The following NPAS3 variants were observed in gnomAD, a reference collection of about 807,000 sequenced individuals.
NPAS3 encodes the protein neuronal PAS domain-containing protein 3.
NPAS3 carries 14 observed loss-of-function variants against 73.1 expected under a neutral mutation model. That is an observed-to-expected ratio of 0.19 (90% confidence interval 0.13 to 0.30). The LOEUF is 0.30. Ranked by LOEUF, NPAS3 falls within the 10% of genes least tolerant of loss-of-function variation. The pLI, the probability that NPAS3 is intolerant of heterozygous loss-of-function variation, is 1.00. For synonymous variants in NPAS3, 620 were observed against 541.5 expected (o/e 1.14, Z -2.01); for missense variants, 1,096 against 1,250.0 (o/e 0.88, Z 1.86).
At chr14:33,477,756 T>C (rs932608293) in intron 4 of NPAS3, among the ~76,000 whole-genome samples, 1 of 152,192 alleles carries the variant, frequency 6.6e-6, no homozygotes, top group Non-Finnish European at 1.5e-5. Context: ...AATTTTTCAC[T>C]AAGAATTTCA....
intron 4 of NPAS3, among the ~76,000 whole-genome samples, chr14:33,502,075 G>T (rs1426603706): frequency 6.6e-6 from 1 of 151,686 alleles, no homozygotes; most frequent in African/African-American, 2.4e-5. Flanking sequence ...ATTATTTATG[G>T]GTTCCCAAAT....
intron 2 of NPAS3, among the ~76,000 whole-genome samples, chr14:33,167,428 TAC>T (rs201795728): frequency 1.3e-5 from 2 of 151,730 alleles, no homozygotes; most frequent in Non-Finnish European, 2.9e-5. Context: ...GACACACACA[TAC>T]ACACACACAC....
At chr14:33,662,654 A>T (rs566263986) in intron 5 of NPAS3, among the ~76,000 whole-genome samples, 2 of 152,140 alleles carry the variant, frequency 1.3e-5, no homozygotes, top group African/African-American at 4.8e-5. Context: ...CTCCTTGAAG[A>T]GGTCTTTCGC....
intron 2 of NPAS3, among the ~76,000 whole-genome samples, chr14:33,069,156 A>G (rs576338856): frequency 6.6e-6 from 1 of 152,352 alleles, no homozygotes; most frequent in African/African-American, 2.4e-5. Flanking sequence ...GACGAAGTGG[A>G]TAAAGAAGAG....
At chr14:33,093,270 C>T (rs1477498490) in intron 2 of NPAS3, among the ~76,000 whole-genome samples, 1 of 152,014 alleles carries the variant, frequency 6.6e-6, no homozygotes, top group Non-Finnish European at 1.5e-5. Flanking sequence ...AACAAATTTA[C>T]AAGAAAAAAA....
In NPAS3 at chr14:33,310,873, A is replaced by G. The variant is rs568211017; in HGVS notation, c.386-56313A>G. ...AAAACAACCTTAGTATTAAGACTACAGTCTGTTACTGCTTTCTTGTGGGTC... is the reference window on the plus strand; with the variant it reads ...AAAACAACCTTAGTATTAAGACTACGGTCTGTTACTGCTTTCTTGTGGGTC... On this transcript the variant is annotated intron_variant, in intron 3 of 11. Coordinates refer to ENST00000356141, the Ensembl canonical transcript of NPAS3. 3.3e-5 allele frequency among the ~76,000 whole-genome samples: 5 copies of G among 151,970 alleles called. No individual in the cohort carries two copies. In the South Asian group the frequency reaches 8.3e-4, roughly 25 times the overall value.
rs1056479748 is a variant in NPAS3 at position 32,947,737 on chromosome 14, G to A, written c.50+8371G>A. On this transcript the variant is annotated intron_variant, in intron 1 of 11. Coordinates refer to ENST00000356141, the Ensembl canonical transcript of NPAS3. ...ACTTTAGATTGAGTTAAATTTAAAT[G>A]TATGCAGTGGATTGGTGACTTTTTG... Among the ~76,000 whole-genome samples the A allele has an allele frequency of 9.2e-5, 14 of 152,032 alleles. 1 individual carries two copies. The highest frequency in any genetic ancestry group is 2.9e-4 in the African/African-American group (12 of 41,412).
chr14:33,013,979 ATAAAAC>A (rs916309425), intron 1 of NPAS3, among the ~76,000 whole-genome samples: 1 of 152,210 alleles, frequency 6.6e-6, no homozygotes, highest in Non-Finnish European at 1.5e-5. Context: ...GAAAAAAGAA[ATAAAAC>A]TATTTCCACT....
chr14:33,088,212 C>T (rs993925426), intron 2 of NPAS3, among the ~76,000 whole-genome samples: 9 of 152,210 alleles, frequency 5.9e-5, no homozygotes, highest in Non-Finnish European at 1.2e-4. Flanking sequence ...GTGCAGCCCA[C>T]TCAGCGTGAG....
chr14:33,591,564 C>T (rs528977339), intron 5 of NPAS3, among the ~76,000 whole-genome samples: 2 of 152,324 alleles, frequency 1.3e-5, no homozygotes, highest in Admixed American at 6.5e-5. Flanking sequence ...AAGGTGCCTT[C>T]AACCTCAGGT....
chr14:33,172,200 C>T (rs977484256), intron 2 of NPAS3, among the ~76,000 whole-genome samples: 9 of 152,246 alleles, frequency 5.9e-5, no homozygotes, highest in East Asian at 1.9e-4. Flanking sequence ...AGTGAGCACA[C>T]GCTGTTGGAA....
At chr14:33,598,913 A>C (rs953080795) in intron 5 of NPAS3, among the ~76,000 whole-genome samples, 1 of 152,234 alleles carries the variant, frequency 6.6e-6, no homozygotes, top group Non-Finnish European at 1.5e-5. Context: ...ATAACATTTT[A>C]TAGTTTGGCT....
intron 3 of NPAS3, among the ~76,000 whole-genome samples, chr14:33,317,945 A>T (rs1419529110): frequency 6.6e-6 from 1 of 152,024 alleles, no homozygotes; most frequent in Non-Finnish European, 1.5e-5. Flanking sequence ...GTAAAATTTC[A>T]TGATGTATTT....
At chr14:33,516,482 G>C (rs1405334654) in intron 4 of NPAS3, among the ~76,000 whole-genome samples, 1 of 152,116 alleles carries the variant, frequency 6.6e-6, no homozygotes, top group Non-Finnish European at 1.5e-5. Context: ...CTTTCCCCTA[G>C]TACGAGGAAA....
intron 4 of NPAS3, among the ~76,000 whole-genome samples, chr14:33,531,557 C>T (rs1264823087): frequency 1.3e-5 from 2 of 151,988 alleles, no homozygotes; most frequent in Non-Finnish European, 2.9e-5. Flanking sequence ...ACAGCTGTAC[C>T]ACAGTTTTTC....
intron 2 of NPAS3, among the ~76,000 whole-genome samples, chr14:33,175,901 A>T (rs1371617678): frequency 6.6e-6 from 1 of 152,196 alleles, no homozygotes; most frequent in Non-Finnish European, 1.5e-5. Context: ...ATAGTATTTG[A>T]GTCTGGTTTT....
chr14:33,256,789 A>G (rs1197555695), intron 3 of NPAS3, among the ~76,000 whole-genome samples: 2 of 152,232 alleles, frequency 1.3e-5, no homozygotes, highest in African/African-American at 2.4e-5. Context: ...GCATAATCTT[A>G]ATGTCAATAT....
intron 4 of NPAS3, among the ~76,000 whole-genome samples, chr14:33,436,522 A>G (rs1035255111): frequency 6.6e-6 from 1 of 152,176 alleles, no homozygotes; most frequent in Non-Finnish European, 1.5e-5. Flanking sequence ...AGTCTCCCCA[A>G]ATCTGTTGTC....
chr14:33,685,619 A>G (rs2060067446), intron 6 of NPAS3, among the ~76,000 whole-genome samples: 1 of 152,216 alleles, frequency 6.6e-6, no homozygotes. Context: ...TACAGAGCAG[A>G]TTTCACTAAC....
Sources: gnomAD v4.1 joint callset for allele counts (sites outside exome capture counted in the v4.1 genomes callset) on GRCh38, gnomAD v4.1.1 for gene constraint, MANE v1.5 for transcripts, NCBI Gene and HGNC (gene_info 2026-07-23, HGNC 2026-07-21) for gene names.